The following ZNF750 variants were observed in gnomAD, a reference collection of about 807,000 sequenced individuals.
The protein encoded by ZNF750 is protein ZNF750.
A neutral mutation model predicts 31.6 loss-of-function variants in ZNF750; 10 were observed. That is an observed-to-expected ratio of 0.32 (90% confidence interval 0.19 to 0.54). The LOEUF (loss-of-function observed/expected upper bound fraction) is 0.54. Among genes scored for constraint, ZNF750 ranks in the 20% least tolerant of loss-of-function variants. The pLI is 0.95. For synonymous variants in ZNF750, 400 were observed against 404.9 expected, an observed-to-expected ratio of 0.99 and a Z score of 0.15; for missense variants, 914 against 934.9, an observed-to-expected ratio of 0.98 and a Z score of 0.29.
intron 1 of ZNF750, among the ~76,000 whole-genome samples, chr17:82,834,424 T>C (rs768176955): frequency 6.6e-6 from 1 of 152,158 alleles, no homozygotes; most frequent in Non-Finnish European, 1.5e-5. Flanking sequence ...GTCTTTAGGG[T>C]CTAAATATTT....
At position 82,831,511 on chromosome 17, in the gene ZNF750, A is replaced by G. The variant is rs202180755; in HGVS notation, c.944T>C (p.Leu315Pro). 373 of 1,614,112 alleles carry G rather than the reference A, an allele frequency of 2.3e-4. 1 individual carries two copies. The Middle Eastern group carries it at 4.3e-3, about 19-fold the overall frequency. ...YRFFQQYPSN[L>P]PIPYGFYRPE... is the part of the protein sequence containing the mutation. ...CCTGTAAAATCCGTAAGGAATCGGC[A>G]GGTTAGAGGGATATTGCTGGAAAAA... Residue 315 changes from leucine to proline, a missense_variant, in exon 2 of 3, where the codon CTG (leucine) becomes CCG (proline). Coordinates refer to ENST00000269394, the MANE Select transcript of ZNF750 (RefSeq NM_024702.3). The surrounding 1 kb of genome is among the most constrained non-coding windows in gnomAD (Gnocchi z 4.6).
At chr17:82,836,954 A>G (rs1345391776) in intron 1 of ZNF750, among the ~76,000 whole-genome samples, 1 of 152,076 alleles carries the variant, frequency 6.6e-6, no homozygotes, top group East Asian at 1.9e-4. Context: ...GAGTGTTTGG[A>G]GCTCAATTGC....
chr17:82,838,239 C>G, intron 1 of ZNF750, among the ~76,000 whole-genome samples: 1 of 151,992 alleles, frequency 6.6e-6, no homozygotes, highest in East Asian at 1.9e-4. Flanking sequence ...ACAGTTAATG[C>G]AGCAGACAGT....
chr17:82,831,594 G>T lies in ZNF750; in HGVS notation c.861C>A (p.His287Gln), dbSNP rs372580838. The T allele has an allele frequency of 3.7e-6, 6 of 1,614,226 alleles. No homozygotes were observed. The highest frequency in any genetic ancestry group is 5.1e-6 in the Non-Finnish European group (6 of 1,180,032). ...GTQDPRHFLP[H>Q]PGPIPKHLAP... ...CCAGGTGCTTAGGGATCGGCCCCGG[G>T]TGAGGCAGGAAGTGTCTCGGGTCTT... Residue 287 changes from histidine (H) to glutamine (Q), a missense_variant, in exon 2 of 3, where the codon CAC becomes CAA. His to Gln is a conservative substitution (Grantham distance 24). Coordinates refer to ENST00000269394, the MANE Select transcript of ZNF750 (RefSeq NM_024702.3). The surrounding 1 kb of genome is among the most constrained non-coding windows in gnomAD (Gnocchi z 4.6).
intron 1 of ZNF750, among the ~76,000 whole-genome samples, chr17:82,834,778 A>C (rs2053825491): frequency 6.6e-6 from 1 of 152,180 alleles, no homozygotes; most frequent in Non-Finnish European, 1.5e-5. Flanking sequence ...GCAGGGCTTA[A>C]AACCTAGATG....
At position 82,835,948 on chromosome 17, in the gene ZNF750, G is replaced by A. The variant is rs2053931607; in HGVS notation, c.-182-3312C>T. Among the ~76,000 whole-genome samples, 1 of 152,154 alleles carries A rather than the reference G, an allele frequency of 6.6e-6. No homozygotes were observed. Among genetic ancestry groups the A allele is most frequent in the Non-Finnish European group, 1.5e-5 (1 of 68,030 alleles). The stretch of plus-strand genomic sequence containing the variant: ...TGTTTGTTACCCTACAACCAGGGAG[G>A]GTGTCGGGTGACACCCTGGGCTCAG... On this transcript the variant is annotated intron_variant, in intron 1 of 2. Coordinates refer to ENST00000269394, the MANE Select transcript of ZNF750 (RefSeq NM_024702.3). The surrounding 1 kb of genome is among the most constrained non-coding windows in gnomAD (Gnocchi z 4.5).
rs2053865667 is a variant in ZNF750, at chr17:82,835,227, A to G, written c.-182-2591T>C. On this transcript the variant is annotated intron_variant, in intron 1 of 2. Transcript: ENST00000269394. This position sits in a 1 kb window ranked among gnomAD's most constrained non-coding sequence, Gnocchi z 4.5. ...AAAGCCGCCCCTTGAAAATAGAGCA[A>G]CGTGTGTGGGAGCCTAGGAGGCAGC... 2.6e-5 allele frequency among the ~76,000 whole-genome samples: 4 copies of G among 152,164 alleles called. No homozygotes were observed. The highest frequency in any genetic ancestry group is 1.3e-4 in the Admixed American group (2 of 15,280).
chr17:82,829,831 G>C lies in ZNF750; in HGVS notation c.*311C>G, dbSNP rs181528678. ...AACAGTTAAAACAATTTGTTGTAAT[G>C]GTGAGATATTTATAAGGAAACATTT... On this transcript the variant is annotated 3_prime_UTR_variant, in exon 3 of 3. Coordinates refer to ENST00000269394, the MANE Select transcript of ZNF750 (RefSeq NM_024702.3). 30 of 377,286 alleles carry C rather than the reference G, an allele frequency of 8.0e-5. No individual in the cohort carries two copies. The highest frequency in any genetic ancestry group is 5.7e-4 in the African/African-American group (28 of 49,516). 23.4% of individuals were successfully genotyped at this position (377,286 alleles called of 1,614,324 possible). A position where few individuals can be genotyped will look rare whatever the true frequency, so the allele number is the denominator to read the frequency against.
rs1371521425 is a variant in ZNF750 at position 82,831,236 on chromosome 17, C to T, written c.1219G>A (p.Ala407Thr). 2 of 1,613,944 alleles carry T rather than the reference C, an allele frequency of 1.2e-6. No individual in the cohort carries two copies. Among genetic ancestry groups the T allele is most frequent in the South Asian group, 1.1e-5 (1 of 91,084 alleles). Residue 407 changes from alanine to threonine, a missense_variant, in exon 2 of 3, where the codon GCA becomes ACA. Coordinates refer to ENST00000269394, the MANE Select transcript of ZNF750 (RefSeq NM_024702.3). This position sits in a 1 kb window ranked among gnomAD's most constrained non-coding sequence, Gnocchi z 4.6. Reference sequence around the variant, plus strand: ...GGCCTCCCTGGGGAGCCCGTGGCTGCACTCCCTGCGCGGGGGCTCATTTTG... The same window carrying T: ...GGCCTCCCTGGGGAGCCCGTGGCTGTACTCCCTGCGCGGGGGCTCATTTTG... ...GSKMSPRAGS[A>T]ATGSPGRPSP...
chr17:82,839,227 C>T (rs1314207601), intron 1 of ZNF750, among the ~76,000 whole-genome samples: 1 of 152,180 alleles, frequency 6.6e-6, no homozygotes, highest in Non-Finnish European at 1.5e-5. Context: ...AAACATATAA[C>T]CCTAAATTCA....
chr17:82,833,852 C>G lies in ZNF750; in HGVS notation c.-182-1216G>C, dbSNP rs2053724545. Among the ~76,000 whole-genome samples the G allele has an allele frequency of 6.6e-6, 1 of 152,172 alleles. No homozygotes were observed. The highest frequency in any genetic ancestry group is 1.5e-5 in the Non-Finnish European group (1 of 68,028). ...TGTGTGATGTCAGAGCTGGCCTGCT[C>G]TTTTGGATTCTTCCAGAGGGTCTCT... On this transcript the variant is annotated intron_variant, in intron 1 of 2. Transcript: ENST00000269394. This position sits in a 1 kb window ranked among gnomAD's most constrained non-coding sequence, Gnocchi z 4.7.
chr17:82,830,176 AC>A lies in ZNF750; in HGVS notation c.2137del (p.Val713CysfsTer71). 6.2e-7 allele frequency: 1 copy of A among 1,614,104 alleles called. No individual in the cohort carries two copies. The highest frequency in any genetic ancestry group is 2.2e-5 in the East Asian group (1 of 44,882). ...CCGGGCCCTCCTTCGTAGTGTGAAC[AC>A]TCTGGCCGTGTCCTGCAGCTTCGCC... Reference protein sequence around the residue: ...KKAKLQDTARVFTLRRRARVS With the variant: ...KKAKLQDTARXFTLRRRARVS On this transcript the variant is annotated frameshift_variant, in exon 3 of 3. Coordinates refer to ENST00000269394, the MANE Select transcript of ZNF750 (RefSeq NM_024702.3). LOFTEE classifies it high-confidence loss of function.
In ZNF750 at chr17:82,835,992, G is replaced by A. The variant is rs908334851; in HGVS notation, c.-182-3356C>T. On this transcript the variant is annotated intron_variant, in intron 1 of 2. Coordinates refer to ENST00000269394, the MANE Select transcript of ZNF750 (RefSeq NM_024702.3). This position sits in a 1 kb window ranked among gnomAD's most constrained non-coding sequence, Gnocchi z 4.5. ...GGCTCAGACCCCGCGCTCAGCACCC[G>A]TCTCCCACCGTGGGCTGCCACAGAA... is the stretch of plus-strand genomic sequence containing the variant. 3.9e-5 allele frequency among the ~76,000 whole-genome samples: 6 copies of A among 152,164 alleles called. No homozygotes were observed. The highest frequency in any genetic ancestry group is 5.9e-5 in the Non-Finnish European group (4 of 68,018).
chr17:82,837,932 T>G (rs1271140583), intron 1 of ZNF750, among the ~76,000 whole-genome samples: 1 of 152,232 alleles, frequency 6.6e-6, no homozygotes, highest in Non-Finnish European at 1.5e-5. Flanking sequence ...TGCAGTGGCT[T>G]CAAACATGCT....
chr17:82,831,347 G>A lies in ZNF750; in HGVS notation c.1108C>T (p.Pro370Ser). The A allele has an allele frequency of 6.2e-7, 1 of 1,614,036 alleles. No homozygotes were observed. Among genetic ancestry groups the A allele is most frequent in the Non-Finnish European group, 8.5e-7 (1 of 1,180,014 alleles). Residue 370 changes from proline (P) to serine (S), a missense_variant, in exon 2 of 3, where the codon CCC (proline) becomes TCC (serine). Transcript: ENST00000269394. The surrounding 1 kb of genome is among the most constrained non-coding windows in gnomAD (Gnocchi z 4.6). ...SSPSRLNPSD[P>S]NRKHVEFESP... is the part of the protein sequence containing the mutation. ...TCGAACTCGACGTGTTTTCTGTTGG[G>A]GTCCGAAGGGTTTAACCTGGAAGGA...
rs993272710 is a variant in ZNF750 at position 82,833,165 on chromosome 17, C to T, written c.-182-529G>A. 2.0e-5 allele frequency among the ~76,000 whole-genome samples: 3 copies of T among 152,026 alleles called. No individual in the cohort carries two copies. Among genetic ancestry groups the T allele is most frequent in the African/African-American group, 7.2e-5 (3 of 41,382 alleles). On this transcript the variant is annotated intron_variant, in intron 1 of 2. Coordinates refer to ENST00000269394, the MANE Select transcript of ZNF750 (RefSeq NM_024702.3). The surrounding 1 kb of genome is among the most constrained non-coding windows in gnomAD (Gnocchi z 4.7). ...GTGGCTGTTTCCCCTTAACATGTAC[C>T]CACAGTCACAGAGTGCCCCTCACTT... is the stretch of plus-strand genomic sequence containing the variant.
In ZNF750 at chr17:82,832,435, C is replaced by T. The variant is rs1040401049; in HGVS notation, c.20G>A (p.Arg7Gln). 8.7e-6 allele frequency: 14 copies of T among 1,612,496 alleles called. No homozygotes were observed. The highest frequency in any genetic ancestry group is 2.7e-5 in the African/African-American group (2 of 74,922). Residue 7 changes from arginine to glutamine, a missense_variant, in exon 2 of 3, where the codon CGG becomes CAG. This residue lies in a region of ZNF750 where 34 missense variants were observed against 66.0 expected (regional missense o/e 0.52). Transcript: ENST00000269394. This position sits in a 1 kb window ranked among gnomAD's most constrained non-coding sequence, Gnocchi z 4.9. Reference sequence around the variant, plus strand: ...GATGTAATGTGGCTTTTTTGGCTTCCGCTCTTTGAGGAGACTCATTTTCCT... The same window carrying T: ...GATGTAATGTGGCTTTTTTGGCTTCTGCTCTTTGAGGAGACTCATTTTCCT... MSLLKE[R>Q]KPKKPHYIPR...
rs1361038532 is a variant in ZNF750, at chr17:82,832,849, T to C, written c.-182-213A>G. Among the ~76,000 whole-genome samples the C allele has an allele frequency of 6.6e-6, 1 of 152,342 alleles. No homozygotes were observed. The highest frequency in any genetic ancestry group is 1.9e-4 in the East Asian group (1 of 5,174). ...TGACTCCCCACCGTGTTTTCTGTTT[T>C]CTGAGTCTGATCTGAAAGAGTCACC... is the stretch of plus-strand genomic sequence containing the variant. On this transcript the variant is annotated intron_variant, in intron 1 of 2. Transcript: ENST00000269394. The surrounding 1 kb of genome is among the most constrained non-coding windows in gnomAD (Gnocchi z 4.9).
chr17:82,838,638 A>G (rs564093677), intron 1 of ZNF750: 580 of 985,434 alleles, frequency 5.9e-4, no homozygotes, highest in Admixed American at 9.8e-4. Context: ...TTTTACTCCA[A>G]TTGAGCTTTT....
Sources: allele counts gnomAD v4.1 joint callset (sites outside exome capture counted in the v4.1 genomes callset), GRCh38; gene constraint gnomAD v4.1.1; regional missense constraint gnomAD v4.1.1; non-coding constraint Gnocchi (gnomAD v3.1); transcripts MANE v1.5; gene names NCBI Gene and HGNC (gene_info 2026-07-23, HGNC 2026-07-21).